The following NAV3 variants were observed in gnomAD, a reference collection of about 807,000 sequenced individuals.
NAV3 encodes the protein pore membrane and/or filament interacting like protein 1.
A neutral mutation model predicts 244.7 loss-of-function variants in NAV3; 87 were observed. That is an observed-to-expected ratio of 0.36 (90% CI 0.30 to 0.42). NAV3 has a LOEUF of 0.42. Ranked by LOEUF, NAV3 falls within the 20% of genes least tolerant of loss-of-function variation. NAV3 has a pLI of 1.00. For synonymous variants in NAV3, 1,126 were observed against 1,042.2 expected (o/e 1.08, Z -1.55); for missense variants, 2,663 against 2,893.3 (o/e 0.92, Z 1.83).
At position 78,210,556 on chromosome 12, in the gene NAV3, A is replaced by C; in HGVS notation, c.*39A>C. On this transcript the variant is annotated 3_prime_UTR_variant, in exon 40 of 40. Coordinates refer to ENST00000397909, the MANE Select transcript of NAV3 (RefSeq NM_001024383.2). ...TTAAGGGAAAAGACTTTGCTTTTAA[A>C]AAAATGTTTCAAAAGAAAGGTATTT... 6.2e-7 allele frequency: 1 copy of C among 1,601,228 alleles called. No individual in the cohort carries two copies. The highest frequency in any genetic ancestry group is 8.5e-7 in the Non-Finnish European group (1 of 1,175,158).
intron 1 of NAV3, among the ~76,000 whole-genome samples, chr12:77,911,117 G>A (rs1266227616): frequency 1.3e-5 from 2 of 152,064 alleles, no homozygotes; most frequent in Non-Finnish European, 2.9e-5. Context: ...CCTTAAGGCA[G>A]TGCTGTGCCA....
intron 2 of NAV3, among the ~76,000 whole-genome samples, chr12:77,730,756 C>T (rs962400184): frequency 2.0e-5 from 3 of 149,268 alleles, no homozygotes; most frequent in Non-Finnish European, 3.0e-5. Context: ...AATGGGATGG[C>T]ATAGTGCTTT....
intron 2 of NAV3, among the ~76,000 whole-genome samples, chr12:77,774,866 A>T (rs887939244): frequency 6.6e-6 from 1 of 152,226 alleles, no homozygotes; most frequent in Admixed American, 6.5e-5. Context: ...TCTGTATAGA[A>T]GAAATTAGGA....
chr12:77,997,141 G>A (rs1292015193), intron 6 of NAV3, among the ~76,000 whole-genome samples: 1 of 150,948 alleles, frequency 6.6e-6, no homozygotes, highest in Non-Finnish European at 1.5e-5. Flanking sequence ...CAGAGGCTGA[G>A]GCAGGAGAAT....
chr12:77,758,848 C>A (rs1869322845), intron 2 of NAV3, among the ~76,000 whole-genome samples: 1 of 152,134 alleles, frequency 6.6e-6, no homozygotes, highest in African/African-American at 2.4e-5. Flanking sequence ...AATAATTTTG[C>A]AACATTTGAA....
chr12:77,912,678 TAG>T (rs1221151048), intron 1 of NAV3, among the ~76,000 whole-genome samples: 3 of 152,150 alleles, frequency 2.0e-5, no homozygotes, highest in African/African-American at 7.2e-5. Context: ...TGGCCCAGGC[TAG>T]AGTGCAATGG....
At chr12:78,045,771 T>A (rs1881684475) in intron 9 of NAV3, among the ~76,000 whole-genome samples, 1 of 152,204 alleles carries the variant, frequency 6.6e-6, no homozygotes, top group Admixed American at 6.5e-5. Context: ...GGTGTCCCTC[T>A]TTTTCTATTG....
intron 2 of NAV3, among the ~76,000 whole-genome samples, chr12:77,761,531 G>T (rs1307133210): frequency 6.6e-6 from 1 of 152,060 alleles, no homozygotes; most frequent in African/African-American, 2.4e-5. Context: ...CTATCCATCT[G>T]ACAAAGGATA....
rs1179468681 is a variant in NAV3, at chr12:77,998,462, A to G, written c.866A>G (p.Asn289Ser). The change falls in exon 7 of 40, where the codon AAT becomes AGT. Residue 289 changes from asparagine to serine, a missense_variant. Physicochemically the swap from Asn to Ser is conservative, Grantham distance 46 (BLOSUM62 1). Coordinates refer to ENST00000397909, the MANE Select transcript of NAV3 (RefSeq NM_001024383.2). ...AAAAACAAGCCTCCAAATTATGCAA[A>G]TGGAAACGAAAAAGGTAAGTGTTTG... ...IDKNKPPNYANGNEKDSSKGP... is the reference protein window; with the variant it reads ...IDKNKPPNYASGNEKDSSKGP... 4.4e-6 allele frequency: 7 copies of G among 1,604,196 alleles called. No individual in the cohort carries two copies. In the Admixed American group the frequency reaches 1.2e-4, roughly 28 times the overall value.
rs538703512 is a variant in NAV3, at chr12:77,845,467, T to A, written c.243+13763T>A. Among the ~76,000 whole-genome samples, 105 of 152,280 alleles carry A rather than the reference T, an allele frequency of 6.9e-4. No individual in the cohort carries two copies. In the Middle Eastern group the frequency reaches 0.02, roughly 30 times the overall value. On this transcript the variant is annotated intron_variant, in intron 1 of 39. Coordinates refer to ENST00000397909, the MANE Select transcript of NAV3 (RefSeq NM_001024383.2). ...TTATTTTATTGCAGAAAGAAGCATA[T>A]CTACAAATCATCACGCTTTACTTCA...
intron 2 of NAV3, among the ~76,000 whole-genome samples, chr12:77,786,438 C>CT (rs1352803406): frequency 2.6e-5 from 4 of 151,918 alleles, no homozygotes; most frequent in Non-Finnish European, 5.9e-5. Context: ...TGAAGTGACT[C>CT]TTTTTTGTCT....
At chr12:77,928,222 CAAAAAAA>C (rs759919821) in intron 1 of NAV3, among the ~76,000 whole-genome samples, 1 of 80,530 alleles carries the variant, frequency 1.2e-5, no homozygotes, top group African/African-American at 5.1e-5. Context: ...GGCTCCGCCT[CAAAAAAA>C]AAAAAAAAAA....
In NAV3 at chr12:77,818,481, T is replaced by G. The variant is rs113894724; in HGVS notation, c.73-121838T>G. 1.3e-3 allele frequency among the ~76,000 whole-genome samples: 192 copies of G among 152,240 alleles called. 1 individual carries two copies. The highest frequency in any genetic ancestry group is 4.5e-3 in the African/African-American group (187 of 41,554). On this transcript the variant is annotated intron_variant, in intron 2 of 8. Coordinates refer to the NAV3 transcript ENST00000550042. ...AATTACAAAACTTTCCATTTATGTTTGCTCAAAGTTTTCTGTTTTGTTTGG... is the reference window on the plus strand; with the variant it reads ...AATTACAAAACTTTCCATTTATGTTGGCTCAAAGTTTTCTGTTTTGTTTGG...
At chr12:77,663,063 G>T (rs989210073) in intron 2 of NAV3, among the ~76,000 whole-genome samples, 3 of 152,120 alleles carry the variant, frequency 2.0e-5, no homozygotes, top group African/African-American at 7.2e-5. Flanking sequence ...TCACTTAAAT[G>T]TTGTAAATTA....
intron 12 of NAV3, among the ~76,000 whole-genome samples, chr12:78,065,996 GT>G (rs1884975451): frequency 6.6e-6 from 1 of 152,110 alleles, no homozygotes; most frequent in Non-Finnish European, 1.5e-5. Flanking sequence ...TTAAAACCTA[GT>G]CCCCCTTGTG....
intron 2 of NAV3, among the ~76,000 whole-genome samples, chr12:77,752,107 C>T (rs1868885750): frequency 6.6e-6 from 1 of 152,100 alleles, no homozygotes; most frequent in African/African-American, 2.4e-5. Flanking sequence ...TTTCTGTGTG[C>T]CAATTGTGGT....
At chr12:77,814,487 A>G (rs1592706911) in intron 2 of NAV3, among the ~76,000 whole-genome samples, 1 of 152,190 alleles carries the variant, frequency 6.6e-6, no homozygotes, top group Admixed American at 6.5e-5. Flanking sequence ...AAACAACAAT[A>G]AGGAGAGGAG....
At chr12:77,860,273 A>T (rs1396818502) in intron 1 of NAV3, among the ~76,000 whole-genome samples, 1 of 151,084 alleles carries the variant, frequency 6.6e-6, no homozygotes, top group Non-Finnish European at 1.5e-5. Context: ...AAGGGTAGAG[A>T]TGGGCTTCCT....
chr12:78,055,967 T>C (rs808818), intron 11 of NAV3, among the ~76,000 whole-genome samples: 9,248 of 152,270 alleles, frequency 0.061, 368 homozygotes, highest in Non-Finnish European at 0.086. Context: ...ACTTCTTGTT[T>C]CCTCTATTTT....
Sources: gnomAD v4.1 joint callset for allele counts (sites outside exome capture counted in the v4.1 genomes callset) on GRCh38, gnomAD v4.1.1 for gene constraint, MANE v1.5 for transcripts, NCBI Gene and HGNC (gene_info 2026-07-23, HGNC 2026-07-21) for gene names.